Variants in ALG14 observed in about 807,000 individuals in gnomAD.
ALG14 encodes the protein UDP-N-acetylglucosamine transferase subunit ALG14.
Under a neutral mutation model 22.8 loss-of-function variants are expected in ALG14, and 17 were observed. That is an observed-to-expected ratio of 0.75 (90% CI 0.51 to 1.12). The LOEUF is 1.12. ALG14 is among the 50% of genes most tolerant of loss of function. The pLI, the probability that ALG14 is intolerant of heterozygous loss-of-function variation, is 0.00. For missense variants in ALG14, 288 were observed against 271.8 expected (o/e 1.06, Z -0.42); for synonymous variants, 89 against 103.7 (o/e 0.86, Z 0.86).
intron 1 of ALG14, chr1:95,067,004 T>C (rs748596183): frequency 2.0e-5 from 3 of 152,238 alleles, no homozygotes; most frequent in Non-Finnish European, 4.4e-5. Context: ...GTCTTTTATT[T>C]CCTTTTTTAA....
At chr1:95,068,729 T>C (rs1223324700) in intron 1 of ALG14, among the ~76,000 whole-genome samples, 1 of 152,226 alleles carries the variant, frequency 6.6e-6, no homozygotes, top group Non-Finnish European at 1.5e-5. Context: ...TTCCTTTAAT[T>C]GGCATGGTTC....
At chr1:95,064,773 G>T in intron 2 of ALG14, 93 bp downstream of exon 2, 1 of 1,136,894 alleles carries the variant, frequency 8.8e-7, no homozygotes, top group Non-Finnish European at 1.2e-6. Flanking sequence ...CCCATTGTGG[G>T]TAGGGCACTG....
chr1:95,022,273 C>T lies in ALG14; in HGVS notation c.420+4856G>A, dbSNP rs550788526. Reference sequence around the variant, plus strand: ...ACTCAATGTGAAACAGAAGCTATAACATTTAAACTAAATACCTCATTTATG... The same window carrying T: ...ACTCAATGTGAAACAGAAGCTATAATATTTAAACTAAATACCTCATTTATG... On this transcript the variant is annotated intron_variant, in intron 3 of 3. Coordinates refer to ENST00000370205, the MANE Select transcript of ALG14 (RefSeq NM_144988.4). 2.2e-5 allele frequency: 21 copies of T among 976,302 alleles called. No individual in the cohort carries two copies. The South Asian group carries it at 9.0e-4, about 42-fold the overall frequency. 60.5% of individuals were successfully genotyped at this position (976,302 alleles called of 1,614,324 possible).
At chr1:95,027,312 T>TA in intron 2 of ALG14, 52 bp from the exon 3 acceptor site, 1 of 1,588,516 alleles carries the variant, frequency 6.3e-7, no homozygotes, top group South Asian at 1.1e-5. Context: ...ATATCAAAGT[T>TA]AAACATAGTA....
intron 3 of ALG14, among the ~76,000 whole-genome samples, chr1:95,003,450 C>CT (rs11286582): frequency 0.045 from 6,070 of 134,172 alleles, 329 homozygotes; most frequent in African/African-American, 0.13. Flanking sequence ...TGCCCTCATT[C>CT]TTTTTTTTTT....
chr1:95,070,169 A>G (rs1018453496), intron 1 of ALG14, among the ~76,000 whole-genome samples: 1 of 152,214 alleles, frequency 6.6e-6, no homozygotes, highest in Non-Finnish European at 1.5e-5. Flanking sequence ...AGAGAGACCA[A>G]GAAAAATCTA....
intron 2 of ALG14, among the ~76,000 whole-genome samples, chr1:95,028,360 C>G (rs1037854813): frequency 1.3e-5 from 2 of 152,182 alleles, no homozygotes; most frequent in African/African-American, 4.8e-5. Context: ...TGTGGGCCAC[C>G]ATGTCCACCT....
intron 2 of ALG14, among the ~76,000 whole-genome samples, chr1:95,055,923 T>G (rs1443200596): frequency 2.2e-5 from 3 of 135,270 alleles, no homozygotes; most frequent in South Asian, 4.7e-4. Context: ...GGCAGGAGAA[T>G]GGCATGAACC....
At position 94,980,758 on chromosome 1, in the gene ALG14, G is replaced by C. The variant is rs1242776070; in HGVS notation, c.*2318C>G. On this transcript the variant is annotated 3_prime_UTR_variant, in exon 4 of 4. Coordinates refer to ENST00000370205, the MANE Select transcript of ALG14 (RefSeq NM_144988.4). ...ATAACACATGTCTCAGCCTGGCTCT[G>C]AATGAGTACACAGCAGCCTGAACCT... 1.3e-5 allele frequency: 2 copies of C among 152,212 alleles called. No homozygotes were observed. The highest frequency in any genetic ancestry group is 2.4e-5 in the African/African-American group (1 of 41,460). 9.4% of individuals were successfully genotyped at this position (152,212 alleles called of 1,614,324 possible). A position where few individuals can be genotyped will look rare whatever the true frequency, so the allele number is the denominator to read the frequency against.
chr1:95,063,386 C>G (rs928782494), intron 2 of ALG14, among the ~76,000 whole-genome samples: 11 of 152,112 alleles, frequency 7.2e-5, no homozygotes, highest in Non-Finnish European at 1.2e-4. Context: ...GTCCTGAATA[C>G]TACTGCTTAG....
intron 2 of ALG14, among the ~76,000 whole-genome samples, chr1:95,032,609 A>AGG (rs1674046167): frequency 6.6e-6 from 1 of 152,186 alleles, no homozygotes; most frequent in African/African-American, 2.4e-5. Flanking sequence ...ATGCACACAA[A>AGG]GGGGAAAGGA....
intron 3 of ALG14, among the ~76,000 whole-genome samples, chr1:94,994,649 T>A (rs982450125): frequency 6.6e-6 from 1 of 152,334 alleles, no homozygotes; most frequent in Non-Finnish European, 1.5e-5. Flanking sequence ...TAGCTGAGAC[T>A]CAAACCCAAG....
intron 1 of ALG14, 43 bp downstream of exon 1, chr1:95,072,720 T>C (rs756547793): frequency 5.0e-6 from 8 of 1,606,408 alleles, no homozygotes; most frequent in Non-Finnish European, 6.8e-6. Flanking sequence ...CTGGGGTTTG[T>C]AGTGACCAAC....
At chr1:95,012,582 A>C (rs1673396432) in intron 3 of ALG14, among the ~76,000 whole-genome samples, 1 of 152,244 alleles carries the variant, frequency 6.6e-6, no homozygotes, top group South Asian at 2.1e-4. Flanking sequence ...AAAGCTGTGT[A>C]TCTCAAACAG....
At chr1:94,989,280 A>G (rs1481297808) in intron 3 of ALG14, among the ~76,000 whole-genome samples, 1 of 152,220 alleles carries the variant, frequency 6.6e-6, no homozygotes, top group African/African-American at 2.4e-5. Flanking sequence ...AGTAGCTTTC[A>G]GGATTTAAGG....
chr1:95,011,255 G>A (rs1673352326), intron 3 of ALG14, among the ~76,000 whole-genome samples: 1 of 152,068 alleles, frequency 6.6e-6, no homozygotes, highest in Non-Finnish European at 1.5e-5. Flanking sequence ...TAGGAGTAGT[G>A]CCTTATAAAA....
At chr1:95,031,743 CA>C (rs1208633681) in intron 2 of ALG14, among the ~76,000 whole-genome samples, 1 of 152,002 alleles carries the variant, frequency 6.6e-6, no homozygotes, top group Non-Finnish European at 1.5e-5. Flanking sequence ...ACTATACTGG[CA>C]TATTATATAC....
intron 3 of ALG14, among the ~76,000 whole-genome samples, chr1:95,011,556 G>A (rs1673362946): frequency 1.3e-5 from 2 of 151,856 alleles, no homozygotes; most frequent in African/African-American, 2.4e-5. Flanking sequence ...CTCCTGAGTA[G>A]CTGGGACTAC....
At chr1:94,999,314 G>T (rs1571588363) in intron 3 of ALG14, among the ~76,000 whole-genome samples, 1 of 138,642 alleles carries the variant, frequency 7.2e-6, no homozygotes, top group African/African-American at 2.6e-5. Flanking sequence ...CTCTAGCTAA[G>T]TATCCAATTA....
Sources: allele counts gnomAD v4.1 joint callset (sites outside exome capture counted in the v4.1 genomes callset), GRCh38; gene constraint gnomAD v4.1.1; transcripts MANE v1.5; gene names NCBI Gene and HGNC (gene_info 2026-07-23, HGNC 2026-07-21).